CC2D2B: variants seen among roughly 807,000 people sequenced by gnomAD.
CC2D2B encodes coiled-coil and C2 domain containing 2B, also known as protein CC2D2B.
A neutral mutation model predicts 161.2 loss-of-function variants in CC2D2B; 128 were observed. The ratio of observed to expected loss-of-function variants is 0.79; its 90% CI spans 0.69 to 0.92. The LOEUF (loss-of-function observed/expected upper bound fraction) is 0.92. Ranked by LOEUF, CC2D2B falls within the 40% of genes least tolerant of loss-of-function variation. The pLI is 0.00. For missense variants in CC2D2B, 1,173 were observed against 1,375.1 expected (o/e 0.85, Z 2.32); for synonymous variants, 391 against 449.8 (o/e 0.87, Z 1.65).
intron 19 of CC2D2B, among the ~76,000 whole-genome samples, chr10:95,985,986 C>G (rs2077704064): frequency 6.6e-6 from 1 of 152,244 alleles, no homozygotes; most frequent in East Asian, 1.9e-4. Context: ...CTCTCAAACC[C>G]TGTCTCCTGA....
chr10:95,994,751 A>C (rs545866318), intron 22 of CC2D2B, among the ~76,000 whole-genome samples: 2 of 152,340 alleles, frequency 1.3e-5, no homozygotes, highest in Middle Eastern at 6.8e-3. Context: ...CCCGCCGGTC[A>C]TTCCTTGGTT....
At chr10:95,947,501 T>C (rs1216967637) in intron 9 of CC2D2B, among the ~76,000 whole-genome samples, 1 of 151,830 alleles carries the variant, frequency 6.6e-6, no homozygotes, top group Non-Finnish European at 1.5e-5. Context: ...CCCAGCACTT[T>C]GGGAGGCCGA....
chr10:96,025,679 C>A (rs192710297), intron 33 of CC2D2B, among the ~76,000 whole-genome samples: 291 of 152,350 alleles, frequency 1.9e-3, no homozygotes, highest in African/African-American at 6.8e-3. Flanking sequence ...GCCTCCCAAG[C>A]ACCTACACGT....
At chr10:95,960,962 A>T (rs575089167) in intron 11 of CC2D2B, among the ~76,000 whole-genome samples, 1 of 152,118 alleles carries the variant, frequency 6.6e-6, no homozygotes, top group African/African-American at 2.4e-5. Context: ...ATCTAAGCCA[A>T]TCCCTCACCA....
chr10:96,019,922 G>GT (rs2141914157), intron 32 of CC2D2B, 98 bp downstream of exon 32: 2 of 1,141,780 alleles, frequency 1.8e-6, no homozygotes, highest in East Asian at 5.8e-5. Context: ...TAGTTGGTTG[G>GT]TTACTGAAAT....
intron 6 of CC2D2B, among the ~76,000 whole-genome samples, chr10:95,937,072 G>A (rs1401297661): frequency 6.6e-6 from 1 of 152,182 alleles, no homozygotes; most frequent in Non-Finnish European, 1.5e-5. Context: ...TGATTTCATG[G>A]CAGGGATATA....
chr10:96,020,875 A>C (rs2079423652), intron 32 of CC2D2B: 1 of 152,202 alleles, frequency 6.6e-6, no homozygotes, highest in Admixed American at 6.6e-5. Context: ...TCTAAAAATA[A>C]AAACAAAAGA....
chr10:95,985,034 G>A (rs1006094520), intron 19 of CC2D2B, among the ~76,000 whole-genome samples: 1 of 152,132 alleles, frequency 6.6e-6, no homozygotes, highest in African/African-American at 2.4e-5. Flanking sequence ...TATATCACTT[G>A]TAAGAGCAAT....
At chr10:95,969,188 T>G (rs1046891878) in intron 15 of CC2D2B, among the ~76,000 whole-genome samples, 3 of 152,212 alleles carry the variant, frequency 2.0e-5, no homozygotes, top group African/African-American at 4.8e-5. Context: ...GGTGGAAAAG[T>G]GCTGTTTACA....
chr10:95,969,873 G>T (rs561931302), intron 15 of CC2D2B, among the ~76,000 whole-genome samples: 2 of 152,102 alleles, frequency 1.3e-5, no homozygotes, highest in Admixed American at 6.6e-5. Context: ...TGTGTATTTT[G>T]AGTCCTTTAT....
chr10:95,978,467 C>T (rs2077396204), intron 17 of CC2D2B, among the ~76,000 whole-genome samples: 1 of 152,200 alleles, frequency 6.6e-6, no homozygotes, highest in Admixed American at 6.5e-5. Context: ...AACAACTCTC[C>T]TGCCTCAGCC....
intron 32 of CC2D2B, among the ~76,000 whole-genome samples, chr10:96,021,928 A>G (rs557828142): frequency 6.6e-6 from 1 of 152,230 alleles, no homozygotes; most frequent in Non-Finnish European, 1.5e-5. Context: ...ATTATTCTCT[A>G]TGTTTGCCTG....
In CC2D2B at chr10:95,924,844, G is replaced by A. The variant is rs1188790505; in HGVS notation, c.240G>A (p.Lys80=). The A allele has an allele frequency of 2.6e-6, 4 of 1,540,152 alleles. No individual in the cohort carries two copies. Among genetic ancestry groups the A allele is most frequent in the East Asian group, 4.9e-5 (2 of 40,736 alleles). The stretch of plus-strand genomic sequence containing the variant: ...ATAGCGAAATACATCAAAGGTCCAA[G>A]GTGAATAACTTTTCTCTTTTTTTAC... ...LIDSEIHQRS[K]LSPQTEVSLD... The change falls in exon 5 of 35, where the codon AAG becomes AAA. Residue 80 remains lysine, a splice_region_variant and synonymous_variant. Transcript: ENST00000646931.
chr10:96,019,454 G>T, intron 31 of CC2D2B, 117 bp downstream of exon 31: 1 of 1,076,594 alleles, frequency 9.3e-7, no homozygotes. Flanking sequence ...CCTAGGGCAT[G>T]GGGCCGGGGC....
intron 16 of CC2D2B, among the ~76,000 whole-genome samples, chr10:95,973,244 A>C (rs2077198913): frequency 1.3e-5 from 2 of 152,128 alleles, no homozygotes; most frequent in South Asian, 2.1e-4. Context: ...GGGACAAAAG[A>C]CTCAGGACTC....
intron 10 of CC2D2B, among the ~76,000 whole-genome samples, chr10:95,953,544 C>A (rs111412498): frequency 8.5e-5 from 13 of 152,218 alleles, no homozygotes; most frequent in African/African-American, 2.9e-4. Context: ...TCATCTTTTC[C>A]CTTGTGAATT....
At chr10:95,934,311 G>A (rs558521895) in intron 6 of CC2D2B, among the ~76,000 whole-genome samples, 3 of 152,134 alleles carry the variant, frequency 2.0e-5, no homozygotes, top group South Asian at 2.1e-4. Context: ...CTTAGCTTGC[G>A]GGGCTCCGTC....
chr10:95,996,207 G>A lies in CC2D2B; in HGVS notation c.2804G>A (p.Ser935Asn). ...QHTVYKTNTASGSHPCWNEEI... is the reference protein window; with the variant it reads ...QHTVYKTNTANGSHPCWNEEI... Reference sequence around the variant, plus strand: ...ACTGTATACAAAACCAATACAGCAAGTGGATCTCATCCATGCTGGAATGAA... The same window carrying A: ...ACTGTATACAAAACCAATACAGCAAATGGATCTCATCCATGCTGGAATGAA... Residue 935 changes from serine (S) to asparagine (N), a missense_variant, in exon 24 of 35, where the codon AGT becomes AAT. Coordinates refer to ENST00000646931, the MANE Select transcript of CC2D2B (RefSeq NM_001349008.3). 6.6e-7 allele frequency: 1 copy of A among 1,518,386 alleles called. No individual in the cohort carries two copies. Among genetic ancestry groups the A allele is most frequent in the Non-Finnish European group, 8.8e-7 (1 of 1,135,036 alleles). The allele number at this position is 1,518,386 out of a possible 1,614,324, so 94.1% of individuals were successfully genotyped here.
At chr10:96,016,090 T>C in intron 29 of CC2D2B, 111 bp from the exon 30 acceptor site, 1 of 683,120 alleles carries the variant, frequency 1.5e-6, no homozygotes, top group Non-Finnish European at 2.5e-6. Flanking sequence ...TAAAAATAAA[T>C]GTGTTTGGAA....
Sources: allele counts gnomAD v4.1 joint callset (sites outside exome capture counted in the v4.1 genomes callset), GRCh38; gene constraint gnomAD v4.1.1; transcripts MANE v1.5; gene names NCBI Gene and HGNC (gene_info 2026-07-23, HGNC 2026-07-21).